The following AMPD1 variants were observed in gnomAD, a reference collection of about 807,000 sequenced individuals.
AMPD1 encodes the protein adenosine monophosphate deaminase 1.
In AMPD1, 74 loss-of-function variants were observed where a neutral mutation model predicts 82.9. That is an observed-to-expected ratio of 0.89 (90% confidence interval 0.74 to 1.08). The LOEUF (loss-of-function observed/expected upper bound fraction) is 1.08, where lower values mean the gene tolerates loss of function less well. Ranked by LOEUF, AMPD1 falls within the 50% of genes least tolerant of loss-of-function variation. The pLI, the probability that AMPD1 is intolerant of heterozygous loss-of-function variation, is 0.00. For synonymous variants in AMPD1, 333 were observed against 320.5 expected (o/e 1.04, Z -0.42); for missense variants, 881 against 924.5 (o/e 0.95, Z 0.61).
chr1:114,673,305 G>T, intron 15 of AMPD1, 33 bp from the exon 16 acceptor site: 2 of 1,611,412 alleles, frequency 1.2e-6, no homozygotes, highest in African/African-American at 1.3e-5. Context: ...AATGATTGTT[G>T]TCTCTTTTCA....
intron 10 of AMPD1, among the ~76,000 whole-genome samples, chr1:114,676,652 C>T (rs901790501): frequency 2.0e-5 from 3 of 152,174 alleles, no homozygotes; most frequent in Admixed American, 1.3e-4. Context: ...AACCTACTGC[C>T]TCTCTGCCTA....
At chr1:114,682,693 C>T (rs961585731) in intron 5 of AMPD1, among the ~76,000 whole-genome samples, 2 of 152,080 alleles carry the variant, frequency 1.3e-5, no homozygotes, top group Non-Finnish European at 2.9e-5. Context: ...ATTCTCCTGC[C>T]TCAGCCTCCG....
intron 6 of AMPD1, 106 bp from the exon 7 acceptor site, chr1:114,679,814 T>C (rs1423365197): frequency 3.0e-6 from 4 of 1,337,274 alleles, no homozygotes; most frequent in African/African-American, 2.9e-5. Context: ...GAAATAATTG[T>C]TGGAACAAAC....
chr1:114,691,236 C>G (rs565666867), intron 2 of AMPD1, among the ~76,000 whole-genome samples: 140 of 152,174 alleles, frequency 9.2e-4, no homozygotes, highest in Non-Finnish European at 1.6e-3. Flanking sequence ...ACTCTTAATT[C>G]AAGAGTTCTG....
rs1351039619 is a variant in AMPD1, at chr1:114,674,889, G to T, written c.1680-17C>A. ...CCTCGTTCCCTGGGGAAATAGAACT[G>T]CTATTGGAATCGCAGGTTCTGGGTA... On this transcript the variant is annotated splice_polypyrimidine_tract_variant and intron_variant, in intron 12 of 15. Transcript: ENST00000520113. 1 of 1,614,048 alleles carries T rather than the reference G, an allele frequency of 6.2e-7. No individual in the cohort carries two copies. Among genetic ancestry groups the T allele is most frequent in the South Asian group, 1.1e-5 (1 of 91,078 alleles).
In AMPD1 at chr1:114,686,789, G is replaced by T. The variant is rs1658329830; in HGVS notation, c.337C>A (p.Pro113Thr). Residue 113 changes from proline to threonine, a missense_variant, in exon 4 of 16, where the codon CCT (proline) becomes ACT (threonine). By Grantham distance (38) the Pro-to-Thr change is conservative (BLOSUM62 -1). This residue lies in a region of AMPD1 where 783 missense variants were observed against 786.4 expected (regional missense o/e 1.00). Transcript: ENST00000520113. ...GTAATCTGCACTCTCTGAAAATCAG[G>T]CACGGTCTGGTAGGTTGGAGATGAG... ...ISSSPTYQTV[P>T]DFQRVQITGD... is the part of the protein sequence containing the mutation. 2 of 1,614,134 alleles carry T rather than the reference G, an allele frequency of 1.2e-6. No homozygotes were observed. Among genetic ancestry groups the T allele is most frequent in the Non-Finnish European group, 1.7e-6 (2 of 1,180,004 alleles).
At chr1:114,689,938 C>T (rs372008508) in intron 2 of AMPD1, among the ~76,000 whole-genome samples, 14 of 152,154 alleles carry the variant, frequency 9.2e-5, no homozygotes, top group African/African-American at 3.4e-4. Flanking sequence ...ATAATTATTA[C>T]CTCTAATACT....
rs1473770153 is a variant in AMPD1, at chr1:114,695,527, C to T, written c.-56G>A. 6.2e-7 allele frequency: 1 copy of T among 1,614,086 alleles called. No individual in the cohort carries two copies. Among genetic ancestry groups the T allele is most frequent in the Non-Finnish European group, 8.5e-7 (1 of 1,180,008 alleles). On this transcript the variant is annotated 5_prime_UTR_variant, in exon 1 of 16. Transcript: ENST00000520113. ...ACAGTAGAAAAGAAGAGAGAGGAGA[C>T]TGTGGGGTGACTGACTGACACTATA... is the stretch of plus-strand genomic sequence containing the variant.
At position 114,680,389 on chromosome 1, in the gene AMPD1, C is replaced by A. The variant is rs373262677; in HGVS notation, c.637G>T (p.Gly213Cys). The stretch of plus-strand genomic sequence containing the variant: ...TCATTAGGATAGACGTAAACTACAC[C>A]GTCCTTCATTTTGAGGTGATAGCCC... ...NLGYHLKMKDGVVYVYPNEAA... is the reference protein window; with the variant it reads ...NLGYHLKMKDCVVYVYPNEAA... Residue 213 changes from glycine to cysteine, a missense_variant, in exon 6 of 16, where the codon GGT becomes TGT. Around this residue, in one of 2 missense-constraint regions of AMPD1, gnomAD observed 783 missense variants for 786.4 expected, o/e 1.00. Coordinates refer to ENST00000520113, the MANE Select transcript of AMPD1 (RefSeq NM_000036.3). 4 of 1,614,020 alleles carry A rather than the reference C, an allele frequency of 2.5e-6. No individual in the cohort carries two copies. In the African/African-American group the frequency reaches 4.0e-5, roughly 16 times the overall value.
intron 1 of AMPD1, among the ~76,000 whole-genome samples, chr1:114,694,270 A>G (rs774399528): frequency 3.4e-4 from 52 of 152,058 alleles, no homozygotes; most frequent in Non-Finnish European, 6.0e-4. Flanking sequence ...CCCCCAAACC[A>G]TAAAGAACCT....
chr1:114,682,245 A>G (rs1658179910), intron 5 of AMPD1, among the ~76,000 whole-genome samples: 1 of 152,200 alleles, frequency 6.6e-6, no homozygotes. Context: ...CAGTCTGCAC[A>G]TTTCCTATTC....
chr1:114,689,314 T>G (rs1658437125), intron 2 of AMPD1, among the ~76,000 whole-genome samples: 2 of 152,048 alleles, frequency 1.3e-5, no homozygotes, highest in East Asian at 3.8e-4. Context: ...GACAACTTGG[T>G]GATATGCTGC....
At chr1:114,689,002 G>A (rs963363207) in intron 2 of AMPD1, 2 of 685,382 alleles carry the variant, frequency 2.9e-6, no homozygotes, top group Admixed American at 1.8e-5. Flanking sequence ...TCCTAAAGAT[G>A]AGACCGGGCT....
chr1:114,694,561 T>C (rs1464120883), intron 1 of AMPD1, among the ~76,000 whole-genome samples: 1 of 152,142 alleles, frequency 6.6e-6, no homozygotes, highest in Non-Finnish European at 1.5e-5. Flanking sequence ...TTATTACTTT[T>C]GGCTGGGTGC....
At chr1:114,678,152 G>C (rs1658056036) in intron 8 of AMPD1, 111 bp from the exon 9 acceptor site, 3 of 1,494,908 alleles carry the variant, frequency 2.0e-6, no homozygotes, top group Non-Finnish European at 2.8e-6. Context: ...AGGGCATTGG[G>C]CTCCAAGAAT....
At chr1:114,678,152 G>A (rs1658056036) in intron 8 of AMPD1, 111 bp from the exon 9 acceptor site, 2 of 1,494,912 alleles carry the variant, frequency 1.3e-6, no homozygotes, top group Non-Finnish European at 9.3e-7. Context: ...AGGGCATTGG[G>A]CTCCAAGAAT....
intron 1 of AMPD1, 116 bp from the exon 2 acceptor site, chr1:114,693,563 C>A: frequency 1.1e-6 from 1 of 908,634 alleles, no homozygotes; most frequent in Non-Finnish European, 1.8e-6. Context: ...TTCAGCTCAG[C>A]CTTCCAGCTT....
chr1:114,673,688 A>T lies in AMPD1; in HGVS notation c.2036T>A (p.Met679Lys). The change falls in exon 15 of 16, where the codon ATG (methionine) becomes AAG (lysine). Residue 679 changes from methionine (M) to lysine (K), a missense_variant. Coordinates refer to ENST00000520113, the MANE Select transcript of AMPD1 (RefSeq NM_000036.3). The part of the protein sequence containing the change: ...AQVFKLSTCD[M>K]CEVARNSVLQ... ...GACACTGTTCCTTGCCACTTCGCAC[A>T]TATCACAGGTGCTCAGCTTGAAGAC... 1 of 1,614,194 alleles carries T rather than the reference A, an allele frequency of 6.2e-7. No homozygotes were observed. The highest frequency in any genetic ancestry group is 8.5e-7 in the Non-Finnish European group (1 of 1,180,028).
Position 114,688,563 on chromosome 1 carries a change from C to T in AMPD1, c.213G>A (p.Arg71=). The change falls in exon 3 of 16, where the codon AGG becomes AGA. Residue 71 remains arginine (R), a splice_region_variant and synonymous_variant. Transcript: ENST00000520113. ...AGCACTCCCCTTACACCACTTACCTCCTGGCTTCTGTGGAGGTGGACAGAG... is the reference window on the plus strand; with the variant it reads ...AGCACTCCCCTTACACCACTTACCTTCTGGCTTCTGTGGAGGTGGACAGAG... ...LETLSTSTEA[R]RKKRFQGRKT... 1.2e-6 allele frequency: 2 copies of T among 1,614,168 alleles called. No homozygotes were observed. Among genetic ancestry groups the T allele is most frequent in the Non-Finnish European group, 1.7e-6 (2 of 1,180,028 alleles).
Sources: allele counts gnomAD v4.1 joint callset (sites outside exome capture counted in the v4.1 genomes callset), GRCh38; gene constraint gnomAD v4.1.1; regional missense constraint gnomAD v4.1.1; transcripts MANE v1.5; gene names NCBI Gene and HGNC (gene_info 2026-07-23, HGNC 2026-07-21).